GPC5: variants seen among roughly 807,000 people sequenced by gnomAD.
GPC5 encodes glypican 5, also known as glypican-5.
A neutral mutation model predicts 53.9 loss-of-function variants in GPC5; 47 were observed. The ratio of observed to expected loss-of-function variants is 0.87; its 90% CI spans 0.69 to 1.11. The LOEUF is 1.11. GPC5 is among the 50% of genes most tolerant of loss of function. The pLI is 0.00. For synonymous variants in GPC5, 286 were observed against 263.3 expected (o/e 1.09, Z -0.84); for missense variants, 748 against 713.1 (o/e 1.05, Z -0.56).
At chr13:92,836,167 A>C (rs1428051752) in intron 7 of GPC5, among the ~76,000 whole-genome samples, 1 of 151,838 alleles carries the variant, frequency 6.6e-6, no homozygotes, top group Non-Finnish European at 1.5e-5. Context: ...TAGTGTTTGT[A>C]TTTTCATATA....
intron 7 of GPC5, among the ~76,000 whole-genome samples, chr13:92,362,908 G>A (rs988427011): frequency 2.0e-5 from 3 of 151,622 alleles, no homozygotes; most frequent in African/African-American, 7.3e-5. Context: ...GATTAATAGG[G>A]GCCTTGGCTC....
intron 7 of GPC5, among the ~76,000 whole-genome samples, chr13:92,549,920 C>CACAA (rs1438660625): frequency 3.6e-5 from 5 of 139,780 alleles, no homozygotes; most frequent in Admixed American, 7.0e-5. Context: ...CACACACACA[C>CACAA]AATTCTTTTT....
At chr13:92,471,734 ATGAG>A (rs778841622) in intron 7 of GPC5, among the ~76,000 whole-genome samples, 13 of 152,144 alleles carry the variant, frequency 8.5e-5, no homozygotes, top group Non-Finnish European at 2.9e-5. Context: ...AGACAACTTT[ATGAG>A]TATTTGATTA....
At chr13:92,626,417 C>T (rs1304601956) in intron 7 of GPC5, among the ~76,000 whole-genome samples, 1 of 152,042 alleles carries the variant, frequency 6.6e-6, no homozygotes, top group Non-Finnish European at 1.5e-5. Context: ...GGCAAGAGGG[C>T]ACTCATGTGC....
chr13:92,538,979 A>G (rs1881832486), intron 7 of GPC5, among the ~76,000 whole-genome samples: 1 of 120,636 alleles, frequency 8.3e-6, no homozygotes, highest in African/African-American at 3.2e-5. Flanking sequence ...TTGTATATAT[A>G]TATATACCAT....
chr13:91,818,098 A>G (rs895938939), intron 5 of GPC5, among the ~76,000 whole-genome samples: 1 of 152,184 alleles, frequency 6.6e-6, no homozygotes, highest in Admixed American at 6.5e-5. Context: ...CTTTTCCTGG[A>G]AACTGGCATC....
chr13:92,697,251 T>C (rs1453665670), intron 7 of GPC5, among the ~76,000 whole-genome samples: 1 of 152,176 alleles, frequency 6.6e-6, no homozygotes, highest in Non-Finnish European at 1.5e-5. Flanking sequence ...AATGGTAGTT[T>C]GATGGGGATA....
intron 5 of GPC5, among the ~76,000 whole-genome samples, chr13:91,833,729 T>C (rs2038690085): frequency 6.6e-6 from 1 of 152,120 alleles, no homozygotes. Flanking sequence ...AACTAGGTAT[T>C]GATGGAACGT....
At chr13:91,947,277 T>C (rs2039982609) in intron 6 of GPC5, among the ~76,000 whole-genome samples, 1 of 152,074 alleles carries the variant, frequency 6.6e-6, no homozygotes, top group African/African-American at 2.4e-5. Context: ...ATTCATTTTA[T>C]GTAAAAAAAA....
At chr13:92,494,951 T>C (rs1053897123) in intron 7 of GPC5, among the ~76,000 whole-genome samples, 6 of 152,214 alleles carry the variant, frequency 3.9e-5, no homozygotes, top group African/African-American at 1.4e-4. Flanking sequence ...AATTTTTTTG[T>C]GAGATACTTA....
intron 6 of GPC5, among the ~76,000 whole-genome samples, chr13:91,936,056 A>G (rs540359309): frequency 4.6e-5 from 7 of 152,184 alleles, no homozygotes; most frequent in South Asian, 2.1e-4. Context: ...TTCACTCTGT[A>G]TATCAACAGA....
chr13:92,858,536 C>A (rs1446024053), intron 7 of GPC5, among the ~76,000 whole-genome samples: 1 of 152,046 alleles, frequency 6.6e-6, no homozygotes, highest in Non-Finnish European at 1.5e-5. Context: ...GAGACCATTA[C>A]CCTAGGTGAA....
chr13:92,685,537 T>A (rs1274647568), intron 7 of GPC5, among the ~76,000 whole-genome samples: 1 of 148,198 alleles, frequency 6.7e-6, no homozygotes. Flanking sequence ...TATGAAAAAT[T>A]ATGCTCATTT....
intron 6 of GPC5, among the ~76,000 whole-genome samples, chr13:92,008,276 A>G (rs1364674653): frequency 2.6e-5 from 4 of 151,884 alleles, no homozygotes; most frequent in African/African-American, 7.3e-5. Context: ...GTTAGCCAGG[A>G]TGGTCTGGAT....
chr13:91,949,929 T>G (rs761775125), intron 6 of GPC5, among the ~76,000 whole-genome samples: 2 of 152,222 alleles, frequency 1.3e-5, no homozygotes, highest in Non-Finnish European at 2.9e-5. Flanking sequence ...ACCTCTTGGC[T>G]TCACCCTTTG....
intron 6 of GPC5, among the ~76,000 whole-genome samples, chr13:92,072,610 C>G (rs4773660): frequency 0.57 from 80,260 of 140,450 alleles, 22,602 homozygotes; most frequent in East Asian, 0.8. Flanking sequence ...GTCTTACCCT[C>G]TTGCCCAGGC....
intron 2 of GPC5, among the ~76,000 whole-genome samples, chr13:91,464,956 T>G (rs1882149112): frequency 6.6e-6 from 1 of 152,136 alleles, no homozygotes. Context: ...TGCAAGGGAC[T>G]TCTCTGTACA....
At chr13:92,524,041 G>A (rs1221677541) in intron 7 of GPC5, among the ~76,000 whole-genome samples, 2 of 152,042 alleles carry the variant, frequency 1.3e-5, no homozygotes, top group Non-Finnish European at 2.9e-5. Context: ...TCAGAGTGGT[G>A]GTTGATGCTA....
chr13:91,476,973 A>C (rs1364344677), intron 2 of GPC5, among the ~76,000 whole-genome samples: 1 of 152,218 alleles, frequency 6.6e-6, no homozygotes, highest in African/African-American at 2.4e-5. Context: ...TTGGACCCCC[A>C]CACAGAAATT....
Sources: gnomAD v4.1 joint callset for allele counts (sites outside exome capture counted in the v4.1 genomes callset) on GRCh38, gnomAD v4.1.1 for gene constraint, MANE v1.5 for transcripts, NCBI Gene and HGNC (gene_info 2026-07-23, HGNC 2026-07-21) for gene names.